COLEC11: variants seen among roughly 807,000 people sequenced by gnomAD.
COLEC11 encodes the protein collectin-11.
A neutral mutation model predicts 27.3 loss-of-function variants in COLEC11; 20 were observed. That is an observed-to-expected ratio of 0.73 (90% CI 0.51 to 1.06). The LOEUF (loss-of-function observed/expected upper bound fraction) is 1.06, where lower values mean the gene tolerates loss of function less well. Ranked by LOEUF, COLEC11 falls within the 50% of genes least tolerant of loss-of-function variation. COLEC11 has a pLI of 0.00. For synonymous variants in COLEC11, 163 were observed against 154.7 expected, an observed-to-expected ratio of 1.05 and a Z score of -0.40; for missense variants, 310 against 383.0, an observed-to-expected ratio of 0.81 and a Z score of 1.59.
intron 3 of COLEC11, among the ~76,000 whole-genome samples, chr2:3,632,569 A>C (rs2147941015): frequency 6.6e-6 from 1 of 152,268 alleles, no homozygotes; most frequent in Middle Eastern, 3.4e-3. Flanking sequence ...ACCAGGGCCC[A>C]CCTGTGTGAC....
At chr2:3,600,722 G>A (rs1270695587) in intron 1 of COLEC11, among the ~76,000 whole-genome samples, 1 of 152,064 alleles carries the variant, frequency 6.6e-6, no homozygotes, top group Non-Finnish European at 1.5e-5. Flanking sequence ...AGTGTCTGCT[G>A]TGTGGTTAGA....
At chr2:3,597,005 C>T (rs17017685) in intron 1 of COLEC11, among the ~76,000 whole-genome samples, 10,549 of 152,278 alleles carry the variant, frequency 0.069, 378 homozygotes, top group Non-Finnish European at 0.085. Flanking sequence ...TGGGGCCCCT[C>T]GCAGGAAAGT....
chr2:3,606,685 C>T (rs1043958612), intron 2 of COLEC11, among the ~76,000 whole-genome samples: 6 of 152,208 alleles, frequency 3.9e-5, no homozygotes, highest in African/African-American at 7.2e-5. Flanking sequence ...CCGTCCAGCA[C>T]GTGCCCCGCG....
intron 2 of COLEC11, among the ~76,000 whole-genome samples, chr2:3,612,843 G>T (rs1415709911): frequency 6.6e-6 from 1 of 152,254 alleles, no homozygotes; most frequent in African/African-American, 2.4e-5. Flanking sequence ...CTGTGCCCTG[G>T]GGGGCTCACA....
At chr2:3,595,587 C>T (rs971421853) in intron 1 of COLEC11, among the ~76,000 whole-genome samples, 4 of 152,196 alleles carry the variant, frequency 2.6e-5, no homozygotes, top group Admixed American at 1.3e-4. Context: ...ACAGCAGCCA[C>T]GACTGCCCCC....
In COLEC11 at chr2:3,643,493, C is replaced by T. The variant is rs1318036507; in HGVS notation, c.378C>T (p.Asp126=). ...SQLRKAIGEM[D]NQVSQLTSEL... ...TGCGCAAGGCCATCGGGGAGATGGA[C>T]AACCAGGTCTCTCAGCTGACCAGCG... Residue 126 remains aspartate, a synonymous_variant, in exon 6 of 7, where the codon GAC becomes GAT. Transcript: ENST00000349077. 1 of 1,613,912 alleles carries T rather than the reference C, an allele frequency of 6.2e-7. No homozygotes were observed. The highest frequency in any genetic ancestry group is 1.7e-5 in the Admixed American group (1 of 60,036).
At chr2:3,604,208 T>C in intron 1 of COLEC11, 107 bp from the exon 2 acceptor site, 2 of 1,273,444 alleles carry the variant, frequency 1.6e-6, no homozygotes, top group Non-Finnish European at 1.1e-6. Context: ...CAGACAGCCC[T>C]TCCAGGCACC....
At chr2:3,619,761 G>A (rs1450325657) in intron 3 of COLEC11, among the ~76,000 whole-genome samples, 1 of 152,126 alleles carries the variant, frequency 6.6e-6, no homozygotes, top group African/African-American at 2.4e-5. Context: ...AAGTAGCTGG[G>A]ATTACAGGCA....
chr2:3,640,212 A>G, intron 4 of COLEC11, 66 bp from the exon 5 acceptor site: 2 of 949,176 alleles, frequency 2.1e-6, no homozygotes, highest in East Asian at 4.8e-5. Flanking sequence ...TTCAGTCTTG[A>G]TGTTTTTAAC....
At chr2:3,639,170 A>G (rs1051556257) in intron 4 of COLEC11, among the ~76,000 whole-genome samples, 3 of 152,258 alleles carry the variant, frequency 2.0e-5, no homozygotes, top group African/African-American at 7.2e-5. Flanking sequence ...ATATTCCACC[A>G]TATGGATGGA....
intron 3 of COLEC11, among the ~76,000 whole-genome samples, chr2:3,631,104 G>A (rs1407604677): frequency 6.6e-6 from 1 of 152,030 alleles, no homozygotes; most frequent in Non-Finnish European, 1.5e-5. Context: ...GGTGGTGCAC[G>A]CCTGTAATCC....
chr2:3,601,848 A>G (rs1662252488), intron 1 of COLEC11: 1 of 152,212 alleles, frequency 6.6e-6, no homozygotes, highest in East Asian at 1.9e-4. Context: ...TCATGGCAGT[A>G]ACCCTAGCCG....
At chr2:3,614,771 G>C (rs1310264068) in intron 3 of COLEC11, among the ~76,000 whole-genome samples, 2 of 152,026 alleles carry the variant, frequency 1.3e-5, no homozygotes, top group Non-Finnish European at 2.9e-5. Context: ...CCAGAAACCT[G>C]GCAAAGTAAA....
intron 3 of COLEC11, among the ~76,000 whole-genome samples, chr2:3,625,624 A>ATTTTTTT (rs1572441099): frequency 1.8e-4 from 7 of 39,056 alleles, no homozygotes; most frequent in Admixed American, 2.4e-4. Context: ...CTTCTTTTTT[A>ATTTTTTT]CTTTTTTTTT....
chr2:3,642,322 C>T (rs1665929535), intron 5 of COLEC11, among the ~76,000 whole-genome samples: 1 of 152,192 alleles, frequency 6.6e-6, no homozygotes, highest in African/African-American at 2.4e-5. Context: ...CGTGTGGTCA[C>T]AGGCGTATGG....
intron 3 of COLEC11, among the ~76,000 whole-genome samples, chr2:3,628,873 A>C (rs1235967326): frequency 2.0e-5 from 3 of 152,214 alleles, no homozygotes. Context: ...AGCACTGCTC[A>C]CAATGGTGAT....
Position 3,643,918 on chromosome 2 carries a change from A to G in COLEC11, c.616A>G (p.Asn206Asp). 6.2e-7 allele frequency: 1 copy of G among 1,614,090 alleles called. No individual in the cohort carries two copies. Residue 206 changes from asparagine (N) to aspartate (D), a missense_variant, in exon 7 of 7, where the codon AAC becomes GAC. Physicochemically the swap from Asn to Asp is conservative, Grantham distance 23. Coordinates refer to ENST00000349077, the MANE Select transcript of COLEC11 (RefSeq NM_024027.5). The part of the protein sequence containing the change: ...AGLARVFIGI[N>D]DLEKEGAFVY... ...CCTGGCCCGTGTCTTCATCGGCATC[A>G]ACGACCTGGAGAAGGAGGGCGCCTT...
intron 3 of COLEC11, among the ~76,000 whole-genome samples, chr2:3,629,177 A>G (rs1664790155): frequency 6.6e-6 from 1 of 152,226 alleles, no homozygotes; most frequent in Non-Finnish European, 1.5e-5. Flanking sequence ...TTAGTTTCCA[A>G]GAGAAGTCTT....
At chr2:3,614,143 T>C (rs72769327) in intron 3 of COLEC11, among the ~76,000 whole-genome samples, 1 of 150,892 alleles carries the variant, frequency 6.6e-6, no homozygotes, top group African/African-American at 2.4e-5. Flanking sequence ...AATTTTTTTT[T>C]GGGGGGTATT....
Sources: allele counts gnomAD v4.1 joint callset (sites outside exome capture counted in the v4.1 genomes callset), GRCh38; gene constraint gnomAD v4.1.1; transcripts MANE v1.5; gene names NCBI Gene and HGNC (gene_info 2026-07-23, HGNC 2026-07-21).